The following WWOX variants were observed in gnomAD, a reference collection of about 807,000 sequenced individuals.
WWOX encodes WW domain-containing oxidoreductase.
WWOX carries 69 observed loss-of-function variants against 46.2 expected under a neutral mutation model. The observed-to-expected ratio is 1.49, with a 90% CI of 1.23 to 1.82. The LOEUF (loss-of-function observed/expected upper bound fraction) is 1.82, where lower values mean the gene tolerates loss of function less well. WWOX is among the 40% of genes most tolerant of loss of function. The pLI is 0.00. For synonymous variants in WWOX, 359 were observed against 202.6 expected, an observed-to-expected ratio of 1.77 and a Z score of -6.56; for missense variants, 919 against 542.6, an observed-to-expected ratio of 1.69 and a Z score of -6.89.
At chr16:78,775,025 G>A (rs2050155127) in intron 8 of WWOX, among the ~76,000 whole-genome samples, 1 of 152,174 alleles carries the variant, frequency 6.6e-6, no homozygotes, top group African/African-American at 2.4e-5. Context: ...CAGATGGCGA[G>A]AGACATCACA....
intron 8 of WWOX, among the ~76,000 whole-genome samples, chr16:79,209,469 G>A (rs1333287117): frequency 6.6e-5 from 10 of 152,200 alleles, no homozygotes; most frequent in African/African-American, 2.2e-4. Flanking sequence ...AGGCCAGTCT[G>A]TCATGACGTT....
chr16:78,625,991 T>C (rs964827895), intron 8 of WWOX, among the ~76,000 whole-genome samples: 2 of 151,720 alleles, frequency 1.3e-5, no homozygotes, highest in African/African-American at 4.8e-5. Context: ...ACCAACCTAA[T>C]ATTGTTATTA....
chr16:78,948,068 G>A (rs778680767), intron 8 of WWOX, among the ~76,000 whole-genome samples: 10 of 152,220 alleles, frequency 6.6e-5, no homozygotes, highest in East Asian at 3.9e-4. Context: ...AGCCTGTGCC[G>A]TCAGAGAGAG....
At chr16:78,880,520 A>T (rs1436362613) in intron 8 of WWOX, among the ~76,000 whole-genome samples, 1 of 152,244 alleles carries the variant, frequency 6.6e-6, no homozygotes, top group Non-Finnish European at 1.5e-5. Flanking sequence ...ATCGGTAATT[A>T]AGCACATAAG....
At chr16:78,123,868 A>G (rs2033241432) in intron 4 of WWOX, 1 of 152,172 alleles carries the variant, frequency 6.6e-6, no homozygotes, top group Non-Finnish European at 1.5e-5. Context: ...TTCTTGCTGT[A>G]GAAGAAAACG....
intron 6 of WWOX, among the ~76,000 whole-genome samples, chr16:78,394,437 A>G (rs1210455419): frequency 6.9e-6 from 1 of 143,962 alleles, no homozygotes; most frequent in Non-Finnish European, 1.5e-5. Flanking sequence ...ACACTGTGAA[A>G]TACTTAGTGT....
intron 8 of WWOX, among the ~76,000 whole-genome samples, chr16:78,784,985 C>G (rs2050419633): frequency 1.3e-5 from 2 of 152,118 alleles, no homozygotes; most frequent in South Asian, 4.2e-4. Flanking sequence ...CAGGAGCAGC[C>G]AGAGGAACAT....
At chr16:78,800,074 G>A (rs1226878969) in intron 8 of WWOX, among the ~76,000 whole-genome samples, 2 of 152,086 alleles carry the variant, frequency 1.3e-5, no homozygotes, top group African/African-American at 2.4e-5. Context: ...GTTATCCTTC[G>A]GGTTGGCTCT....
intron 5 of WWOX, among the ~76,000 whole-genome samples, chr16:78,220,662 T>G (rs759304606): frequency 6.6e-6 from 1 of 152,168 alleles, no homozygotes; most frequent in Non-Finnish European, 1.5e-5. Flanking sequence ...ACAAAAAGTT[T>G]AGGGACAAGT....
chr16:78,594,438 C>CG (rs2045431765), intron 8 of WWOX, among the ~76,000 whole-genome samples: 1 of 69,432 alleles, frequency 1.4e-5, no homozygotes, highest in African/African-American at 5.7e-5. Flanking sequence ...GGCCCCCCCC[C>CG]CCCCCCCGCC....
At chr16:79,150,781 A>G (rs932416927) in intron 8 of WWOX, among the ~76,000 whole-genome samples, 1 of 152,134 alleles carries the variant, frequency 6.6e-6, no homozygotes, top group Non-Finnish European at 1.5e-5. Flanking sequence ...AGCCGGGACT[A>G]CAGGCGTGTG....
At chr16:78,559,047 A>G (rs1293372894) in intron 8 of WWOX, among the ~76,000 whole-genome samples, 3 of 152,150 alleles carry the variant, frequency 2.0e-5, no homozygotes. Flanking sequence ...TCTGGCCGCT[A>G]CGTGGAAGGA....
intron 8 of WWOX, among the ~76,000 whole-genome samples, chr16:79,014,434 G>T (rs961047536): frequency 6.6e-6 from 1 of 152,132 alleles, no homozygotes; most frequent in South Asian, 2.1e-4. Flanking sequence ...TGTTTTCCTG[G>T]ATCGTCCCTC....
chr16:79,072,147 A>G (rs192556310), intron 8 of WWOX, among the ~76,000 whole-genome samples: 31 of 152,202 alleles, frequency 2.0e-4, no homozygotes, highest in Non-Finnish European at 3.5e-4. Context: ...TTAGTTAGGC[A>G]TGGTAGAGTG....
At chr16:78,953,995 A>G (rs1267823795) in intron 8 of WWOX, among the ~76,000 whole-genome samples, 2 of 152,230 alleles carry the variant, frequency 1.3e-5, no homozygotes, top group East Asian at 1.9e-4. Context: ...AAAAAGATGA[A>G]CAACACGTGG....
At chr16:78,221,870 A>G (rs1486947794) in intron 5 of WWOX, among the ~76,000 whole-genome samples, 1 of 152,188 alleles carries the variant, frequency 6.6e-6, no homozygotes, top group Non-Finnish European at 1.5e-5. Flanking sequence ...TTTCCAAAGC[A>G]GACTTTGTTT....
chr16:78,686,091 G>A (rs1342569101), intron 8 of WWOX, among the ~76,000 whole-genome samples: 5 of 152,162 alleles, frequency 3.3e-5, no homozygotes, highest in Non-Finnish European at 7.3e-5. Flanking sequence ...ATAGATTGGG[G>A]AAAGACATTC....
chr16:78,826,379 A>C (rs990362604), intron 8 of WWOX, among the ~76,000 whole-genome samples: 1 of 152,204 alleles, frequency 6.6e-6, no homozygotes, highest in African/African-American at 2.4e-5. Flanking sequence ...ATTCTCTCAC[A>C]GTTCTGGAGG....
chr16:78,838,458 A>G, intron 8 of WWOX, among the ~76,000 whole-genome samples: 1 of 152,358 alleles, frequency 6.6e-6, no homozygotes, highest in Admixed American at 6.5e-5. Context: ...CTGCAAATGT[A>G]CTATAAAAGA....
Sources: allele counts gnomAD v4.1 joint callset (sites outside exome capture counted in the v4.1 genomes callset), GRCh38; gene constraint gnomAD v4.1.1; transcripts MANE v1.5; gene names NCBI Gene and HGNC (gene_info 2026-07-23, HGNC 2026-07-21).